Variants in APBB2 observed in about 807,000 individuals in gnomAD.
APBB2 encodes Fe65-like 1.
Under a neutral mutation model 82.5 loss-of-function variants are expected in APBB2, and 38 were observed. The ratio of observed to expected loss-of-function variants is 0.46; its 90% confidence interval spans 0.36 to 0.60. The LOEUF (loss-of-function observed/expected upper bound fraction) is 0.60, where lower values mean the gene tolerates loss of function less well. Ranked by LOEUF, APBB2 falls within the 20% of genes least tolerant of loss-of-function variation. APBB2 has a pLI of 0.00. For synonymous variants in APBB2, 341 were observed against 368.2 expected (o/e 0.93, Z 0.85); for missense variants, 772 against 972.3 (o/e 0.79, Z 2.74).
chr4:41,210,042 C>T (rs1778947405), intron 1 of APBB2, among the ~76,000 whole-genome samples: 1 of 152,186 alleles, frequency 6.6e-6, no homozygotes, highest in South Asian at 2.1e-4. Flanking sequence ...CACACATGTG[C>T]AGTTCACAAC....
At chr4:40,930,454 C>T (rs1313596014) in intron 10 of APBB2, among the ~76,000 whole-genome samples, 1,965 of 103,416 alleles carry the variant, frequency 0.019, 22 homozygotes, top group Admixed American at 0.025. Flanking sequence ...TGTGTGCGCG[C>T]GCGCGCGCGC....
At chr4:40,834,599 G>T (rs1310942016) in intron 12 of APBB2, among the ~76,000 whole-genome samples, 1 of 152,152 alleles carries the variant, frequency 6.6e-6, no homozygotes, top group African/African-American at 2.4e-5. Flanking sequence ...GCCAACAGGG[G>T]CTTGGCGGAT....
At chr4:40,948,969 T>C (rs1789288035) in intron 6 of APBB2, among the ~76,000 whole-genome samples, 2 of 151,354 alleles carry the variant, frequency 1.3e-5, no homozygotes, top group Non-Finnish European at 2.9e-5. Context: ...AGTCAGTGGT[T>C]TTCAACTGTT....
chr4:41,020,134 T>C (rs1811086254), intron 5 of APBB2, among the ~76,000 whole-genome samples: 1 of 152,224 alleles, frequency 6.6e-6, no homozygotes, highest in African/African-American at 2.4e-5. Flanking sequence ...CTATAATTGA[T>C]AATTGAAGGT....
rs1346298753 is a variant in APBB2 at position 40,814,999 on chromosome 4, C to T, written c.*1093G>A. 1 of 152,282 alleles carries T rather than the reference C, an allele frequency of 6.6e-6. No homozygotes were observed. Among genetic ancestry groups the T allele is most frequent in the Non-Finnish European group, 1.5e-5 (1 of 68,028 alleles). 9.4% of individuals were successfully genotyped at this position (152,282 alleles called of 1,614,324 possible). ...ATGTAATTTGTTGCCATGGACAATA[C>T]ATGATGGACAGACAGCTTTCTGGGC... On this transcript the variant is annotated 3_prime_UTR_variant, in exon 18 of 18. Transcript: ENST00000508593.
At chr4:40,838,366 C>T (rs1335967705) in intron 12 of APBB2, among the ~76,000 whole-genome samples, 2 of 130,186 alleles carry the variant, frequency 1.5e-5, no homozygotes, top group African/African-American at 3.0e-5. Context: ...GACGGAGTCT[C>T]GCTCTGTCGC....
chr4:41,168,423 A>C (rs979467594), intron 1 of APBB2, among the ~76,000 whole-genome samples: 1 of 151,658 alleles, frequency 6.6e-6, no homozygotes, highest in African/African-American at 2.4e-5. Flanking sequence ...TCTGTCACCC[A>C]GGCTGGAGTG....
intron 4 of APBB2, among the ~76,000 whole-genome samples, chr4:41,035,455 T>C (rs1229415585): frequency 6.6e-6 from 1 of 152,268 alleles, no homozygotes; most frequent in Non-Finnish European, 1.5e-5. Context: ...CTTTGCCCTA[T>C]AACTTTCTGC....
chr4:40,891,364 A>G (rs1160980400), intron 11 of APBB2, among the ~76,000 whole-genome samples: 1 of 152,182 alleles, frequency 6.6e-6, no homozygotes, highest in Non-Finnish European at 1.5e-5. Context: ...TTAGGACATC[A>G]TTAAACATCT....
chr4:41,012,562 C>A (rs576902395), intron 6 of APBB2, among the ~76,000 whole-genome samples: 1 of 152,210 alleles, frequency 6.6e-6, no homozygotes, highest in South Asian at 2.1e-4. Flanking sequence ...ACTTCAAAAA[C>A]GCTACTTTTT....
intron 7 of APBB2, among the ~76,000 whole-genome samples, chr4:40,937,057 G>C (rs1310770587): frequency 1.3e-5 from 2 of 152,098 alleles, no homozygotes; most frequent in Non-Finnish European, 1.5e-5. Context: ...TTTTAAGCTA[G>C]AATTTCTTTT....
In APBB2 at chr4:41,002,628, T is replaced by C. The variant is rs142113103; in HGVS notation, c.835+10955A>G. Among the ~76,000 whole-genome samples the C allele has an allele frequency of 1.9e-3, 291 of 152,356 alleles. 4 individuals are homozygous for C. The highest frequency in any genetic ancestry group is 2.9e-3 in the Non-Finnish European group (198 of 68,032). ...CTAAAGGGGCTGCTGCTGACTGTTG[T>C]CTCTTTGGCATTTGAGCTCAGCATT... On this transcript the variant is annotated intron_variant, in intron 6 of 17. Transcript: ENST00000508593.
At chr4:40,841,373 A>G (rs865834122) in intron 12 of APBB2, among the ~76,000 whole-genome samples, 1 of 152,154 alleles carries the variant, frequency 6.6e-6, no homozygotes, top group African/African-American at 2.4e-5. Context: ...TATTCCATCA[A>G]AAGTGGAGTT....
At chr4:41,047,644 C>T (rs1391809155) in intron 4 of APBB2, among the ~76,000 whole-genome samples, 5 of 152,204 alleles carry the variant, frequency 3.3e-5, no homozygotes, top group Non-Finnish European at 5.9e-5. Context: ...AACATTGGGA[C>T]GTTGAAAAGC....
intron 10 of APBB2, among the ~76,000 whole-genome samples, chr4:40,917,962 G>C (rs572582797): frequency 6.6e-6 from 1 of 152,208 alleles, no homozygotes; most frequent in Non-Finnish European, 1.5e-5. Context: ...GGTTTATTCT[G>C]TATCTAGGTT....
At chr4:40,835,611 TGTGC>T (rs1194651944) in intron 12 of APBB2, among the ~76,000 whole-genome samples, 1 of 152,246 alleles carries the variant, frequency 6.6e-6, no homozygotes, top group Non-Finnish European at 1.5e-5. Context: ...GCAGGGGTGC[TGTGC>T]GGGAGTCTGT....
At chr4:41,206,133 C>A (rs987561260) in intron 1 of APBB2, among the ~76,000 whole-genome samples, 3 of 152,152 alleles carry the variant, frequency 2.0e-5, no homozygotes, top group African/African-American at 7.2e-5. Context: ...ATTTGAAAGG[C>A]CAAATCCCGA....
intron 1 of APBB2, among the ~76,000 whole-genome samples, chr4:41,155,150 T>G (rs2154030141): frequency 6.6e-6 from 1 of 152,392 alleles, no homozygotes; most frequent in South Asian, 2.1e-4. Context: ...ATATCCACAG[T>G]GTATGAAACA....
Position 40,934,580 on chromosome 4 carries a change from C to A in APBB2, c.1193+34G>T, listed in dbSNP as rs754818783. 1.2e-5 allele frequency: 20 copies of A among 1,610,876 alleles called. No homozygotes were observed. The South Asian group carries it at 2.2e-4, about 18-fold the overall frequency. ...TGCAAACTATCTGCACAAAGCCATA[C>A]ATTGACAGCAGGTCGATCCTACTAA... On this transcript the variant is annotated intron_variant, in intron 9 of 17. Coordinates refer to ENST00000508593, the MANE Select transcript of APBB2 (RefSeq NM_004307.2).
Sources: gnomAD v4.1 joint callset for allele counts (sites outside exome capture counted in the v4.1 genomes callset) on GRCh38, gnomAD v4.1.1 for gene constraint, MANE v1.5 for transcripts, NCBI Gene and HGNC (gene_info 2026-07-23, HGNC 2026-07-21) for gene names.